KLC3: variants seen among roughly 807,000 people sequenced by gnomAD.
KLC3 encodes the protein kinesin light chain 2.
In KLC3, 72 loss-of-function variants were observed where a neutral mutation model predicts 62.9. The ratio of observed to expected loss-of-function variants is 1.15; its 90% CI spans 0.95 to 1.39. KLC3 has a LOEUF of 1.39. Among genes scored for constraint, KLC3 ranks in the 40% most tolerant of loss-of-function variants. The pLI, the probability that KLC3 is intolerant of heterozygous loss-of-function variation, is 0.00. For synonymous variants in KLC3, 377 were observed against 300.5 expected, an observed-to-expected ratio of 1.25 and a Z score of -2.63; for missense variants, 848 against 691.6, an observed-to-expected ratio of 1.23 and a Z score of -2.54.
At chr19:45,344,708 C>T (rs529910597) in intron 1 of KLC3, among the ~76,000 whole-genome samples, 18 of 152,138 alleles carry the variant, frequency 1.2e-4, no homozygotes, top group Non-Finnish European at 1.6e-4. Context: ...GACCTTGTCA[C>T]CCACATACAA....
At chr19:45,347,898 C>T (rs772729358) in intron 4 of KLC3, 43 bp from the exon 5 acceptor site, 2 of 1,488,456 alleles carry the variant, frequency 1.3e-6, no homozygotes, top group Admixed American at 1.9e-5. Context: ...GCTGGAGGGG[C>T]AGGAGGCTTG....
intron 1 of KLC3, among the ~76,000 whole-genome samples, chr19:45,342,499 C>A (rs1054551652): frequency 6.6e-6 from 1 of 152,118 alleles, no homozygotes; most frequent in Non-Finnish European, 1.5e-5. Context: ...GTAGCTCACG[C>A]CTGTAATCCC....
At position 45,350,980 on chromosome 19, in the gene KLC3, C is replaced by T. The variant is rs201645628; in HGVS notation, c.1406C>T (p.Thr469Ile). Reference sequence around the variant, plus strand: ...ATGAAGAGAGCCATGTCACTCAACACACTGAACGTGGATGCTCCAAGGGCT... The same window carrying T: ...ATGAAGAGAGCCATGTCACTCAACATACTGAACGTGGATGCTCCAAGGGCT... ...AGMKRAMSLN[T>I]LNVDAPRAPG... The change falls in exon 12 of 13, where the codon ACA becomes ATA. Residue 469 changes from threonine to isoleucine, a missense_variant. Physicochemically the swap from Thr to Ile is moderately conservative, Grantham distance 89. Transcript: ENST00000391946. 798 of 1,614,130 alleles carry T rather than the reference C, an allele frequency of 4.9e-4. 2 individuals carry two copies. The African/African-American group carries it at 5.4e-3, about 11-fold the overall frequency.
chr19:45,344,177 G>GTGTGTGTA (rs1555772864), intron 1 of KLC3, among the ~76,000 whole-genome samples: 1 of 147,808 alleles, frequency 6.8e-6, no homozygotes, highest in African/African-American at 2.5e-5. Context: ...GTGTGTGTGT[G>GTGTGTGTA]TAACTGTATT....
chr19:45,351,451 C>T lies in KLC3; in HGVS notation c.*94C>T, dbSNP rs886420131. 8.2e-6 allele frequency: 13 copies of T among 1,583,376 alleles called. No individual in the cohort carries two copies. The highest frequency in any genetic ancestry group is 2.2e-5 in the East Asian group (1 of 44,648). On this transcript the variant is annotated 3_prime_UTR_variant, in exon 13 of 13. Transcript: ENST00000391946. The stretch of plus-strand genomic sequence containing the variant: ...AGGGGGTCTATCATCTCCTGGCCCC[C>T]CCTTGCCTCTGGGTACCTGGTGGAT...
chr19:45,346,404 T>C (rs1971491022), intron 2 of KLC3, 140 bp from the exon 3 acceptor site: 9 of 757,868 alleles, frequency 1.2e-5, no homozygotes, highest in African/African-American at 7.1e-5. Flanking sequence ...ACTGGGGCCA[T>C]GTTGGCAGAG....
chr19:45,350,359 C>T lies in KLC3; in HGVS notation c.1162C>T (p.Gln388Ter). 2.5e-6 allele frequency: 4 copies of T among 1,613,444 alleles called. No individual in the cohort carries two copies. The highest frequency in any genetic ancestry group is 3.4e-6 in the Non-Finnish European group (4 of 1,179,894). The part of the protein sequence containing the change: ...KNNLASAYLK[Q>*]NKYQQAEELY... ...TCCGCAGGCCTCAGCCTACCTGAAA[C>T]AGAACAAGTATCAACAAGCGGAAGA... is the stretch of plus-strand genomic sequence containing the variant. Residue 388 changes from glutamine to a stop codon, truncating the protein, a stop_gained, in exon 9 of 13, where the codon CAG becomes TAG. Transcript: ENST00000391946. LOFTEE classifies it high-confidence loss of function.
At chr19:45,351,071 G>GA (rs1971740950) in intron 12 of KLC3, 54 bp downstream of exon 12, 1 of 1,613,812 alleles carries the variant, frequency 6.2e-7, no homozygotes, top group Non-Finnish European at 8.5e-7. Flanking sequence ...TAGGTGCAGA[G>GA]ATGAGGCAAA....
intron 1 of KLC3, among the ~76,000 whole-genome samples, chr19:45,343,235 C>T (rs1288827982): frequency 2.6e-5 from 4 of 152,078 alleles, no homozygotes; most frequent in East Asian, 3.8e-4. Context: ...GCGAGTGTCA[C>T]GGTCAAGTGC....
Position 45,349,901 on chromosome 19 carries a change from C to T in KLC3, c.1143+299C>T, listed in dbSNP as rs192908789. 4.6e-5 allele frequency: 21 copies of T among 457,602 alleles called. No homozygotes were observed. In the East Asian group the frequency reaches 4.7e-4, roughly 10 times the overall value. The allele number at this position is 457,602 out of a possible 1,614,324, so 28.3% of individuals were successfully genotyped here. On this transcript the variant is annotated intron_variant, in intron 8 of 12. Coordinates refer to ENST00000391946, the MANE Select transcript of KLC3 (RefSeq NM_177417.3). Reference sequence around the variant, plus strand: ...TCCCCTCTTAGCCCGGTCCCCACATCGCTAGTTCTTATAGCGTCCCTATGA... The same window carrying T: ...TCCCCTCTTAGCCCGGTCCCCACATTGCTAGTTCTTATAGCGTCCCTATGA...
intron 1 of KLC3, among the ~76,000 whole-genome samples, chr19:45,341,570 T>TGCGCGCGC (rs1971395183): frequency 7.7e-6 from 1 of 130,454 alleles, no homozygotes; most frequent in African/African-American, 2.6e-5. Flanking sequence ...TGTGTGTGTG[T>TGCGCGCGC]GTGTGTGTGC....
In KLC3 at chr19:45,348,779, C is replaced by T. The variant is rs376525666; in HGVS notation, c.868-41C>T. The T allele has an allele frequency of 1.3e-5, 20 of 1,563,106 alleles. No individual in the cohort carries two copies. The African/African-American group carries it at 2.3e-4, about 18-fold the overall frequency. On this transcript the variant is annotated intron_variant, in intron 6 of 12. Coordinates refer to ENST00000391946, the MANE Select transcript of KLC3 (RefSeq NM_177417.3). ...ACGAAGTGGGGTCAAAGTGGGGCCA[C>T]ACCTGCCCATCCCTGACCTGTGCCT...
At position 45,349,057 on chromosome 19, in the gene KLC3, G is replaced by A. The variant is rs977697382; in HGVS notation, c.969+136G>A. On this transcript the variant is annotated intron_variant, in intron 7 of 12. Transcript: ENST00000391946. ...ATTGGGAGACCCCAGTTGGAGCCTA[G>A]ATCACCCAACCCATCACCCTTGACC... 18 of 760,214 alleles carry A rather than the reference G, an allele frequency of 2.4e-5. No individual in the cohort carries two copies. In the Admixed American group the frequency reaches 2.5e-4, roughly 11 times the overall value. The allele number at this position is 760,214 out of a possible 1,614,324, so 47.1% of individuals were successfully genotyped here.
At chr19:45,342,412 C>T (rs1027742101) in intron 1 of KLC3, among the ~76,000 whole-genome samples, 2 of 151,950 alleles carry the variant, frequency 1.3e-5, no homozygotes, top group African/African-American at 2.4e-5. Context: ...TATGGTGATA[C>T]CCCGTCTCTA....
rs1803748286 is a variant in KLC3, at chr19:45,350,191, G to A, written c.1144-150G>A. ...AACCCCAACACTTTGGGAGGCCAAG[G>A]CAGGAGGATCACTTGAGGCTAGGAG... On this transcript the variant is annotated intron_variant, in intron 8 of 12. Coordinates refer to ENST00000391946, the MANE Select transcript of KLC3 (RefSeq NM_177417.3). 1.4e-5 allele frequency: 9 copies of A among 633,480 alleles called. No homozygotes were observed. In the Admixed American group the frequency reaches 1.7e-4, roughly 12 times the overall value. 39.2% of individuals were successfully genotyped at this position (633,480 alleles called of 1,614,324 possible).
intron 12 of KLC3, 66 bp from the exon 13 acceptor site, chr19:45,351,220 G>A: frequency 1.3e-6 from 2 of 1,591,752 alleles, no homozygotes; most frequent in Non-Finnish European, 1.7e-6. Context: ...TGGACCTGGA[G>A]CTGGAGGGTG....
At chr19:45,350,806 C>T in intron 11 of KLC3, 59 bp downstream of exon 11, 1 of 1,349,616 alleles carries the variant, frequency 7.4e-7, no homozygotes, top group Non-Finnish European at 1.0e-6. Flanking sequence ...CAGCCCACCC[C>T]ACCCCCACCC....
Position 45,349,514 on chromosome 19 carries a change from T to G in KLC3, c.1055T>G (p.Val352Gly). 2 of 1,613,444 alleles carry G rather than the reference T, an allele frequency of 1.2e-6. No individual in the cohort carries two copies. The highest frequency in any genetic ancestry group is 2.2e-5 in the East Asian group (1 of 44,828). ...LCQNQGKFED[V>G]ERHYARALSI... ...CAGAACCAGGGCAAGTTTGAGGACG[T>G]GGAGCGGCACTATGCCCGGGCCCTG... is the stretch of plus-strand genomic sequence containing the variant. The change falls in exon 8 of 13, where the codon GTG becomes GGG. Residue 352 changes from valine (V) to glycine (G), a missense_variant. By Grantham distance (109) the Val-to-Gly change is moderately radical (BLOSUM62 -3). Coordinates refer to ENST00000391946, the MANE Select transcript of KLC3 (RefSeq NM_177417.3).
chr19:45,350,430 C>A lies in KLC3; in HGVS notation c.1233C>A (p.Leu411=), dbSNP rs201301675. The change falls in exon 9 of 13, where the codon CTC becomes CTA. Residue 411 remains leucine (L), a splice_region_variant and synonymous_variant. Transcript: ENST00000391946. ...ILHKEDLPAP[L]GAPNTGTAGD... is the part of the protein sequence containing the mutation. ...ACAAGGAGGACCTACCCGCCCCTCT[C>A]GGTGAGCCCCTAGCCCCTGTCTGTC... 1.8e-5 allele frequency: 29 copies of A among 1,613,726 alleles called. No homozygotes were observed. In the African/African-American group the frequency reaches 2.4e-4, roughly 13 times the overall value.
Sources: allele counts gnomAD v4.1 joint callset (sites outside exome capture counted in the v4.1 genomes callset), GRCh38; gene constraint gnomAD v4.1.1; transcripts MANE v1.5; gene names NCBI Gene and HGNC (gene_info 2026-07-23, HGNC 2026-07-21).